Variants in RAB19 observed in about 807,000 individuals in gnomAD.
RAB19 encodes the protein ras-related protein Rab-19.
A neutral mutation model predicts 17.3 loss-of-function variants in RAB19; 21 were observed. The observed-to-expected ratio is 1.21, with a 90% CI of 0.86 to 1.74. RAB19 has a LOEUF of 1.74. RAB19 is among the 40% of genes most tolerant of loss of function. The probability of loss-of-function intolerance (pLI) is 0.00; values close to 1 mark genes in which losing one functional copy is unlikely to be tolerated. For synonymous variants in RAB19, 126 were observed against 110.4 expected (o/e 1.14, Z -0.88); for missense variants, 277 against 286.8 (o/e 0.97, Z 0.25).
intron 3 of RAB19, among the ~76,000 whole-genome samples, chr7:140,421,425 A>G (rs754030859): frequency 2.0e-5 from 3 of 151,812 alleles, no homozygotes; most frequent in Non-Finnish European, 4.4e-5. Context: ...CAGTGGCCCA[A>G]TCTTGCTTCA....
At chr7:140,407,870 C>T (rs759789514) in intron 2 of RAB19, 23 bp downstream of exon 2, 2 of 968,300 alleles carry the variant, frequency 2.1e-6, no homozygotes, top group Non-Finnish European at 1.6e-6. Flanking sequence ...CGGGACGGGA[C>T]TGGTTCCACC....
At chr7:140,409,570 G>T (rs974621570) in intron 2 of RAB19, among the ~76,000 whole-genome samples, 11 of 152,072 alleles carry the variant, frequency 7.2e-5, no homozygotes, top group Non-Finnish European at 1.6e-4. Context: ...GGTGGCACAT[G>T]CCTGTAATCC....
chr7:140,407,252 C>G (rs924584752), intron 1 of RAB19, among the ~76,000 whole-genome samples: 11 of 152,252 alleles, frequency 7.2e-5, no homozygotes, highest in Non-Finnish European at 1.3e-4. Flanking sequence ...GTGGGACCTC[C>G]AATGGCAGGT....
intron 3 of RAB19, among the ~76,000 whole-genome samples, chr7:140,417,306 G>A (rs1489529121): frequency 3.3e-5 from 5 of 151,736 alleles, no homozygotes; most frequent in Non-Finnish European, 5.9e-5. Flanking sequence ...GGAGACTGAG[G>A]TGGGCACATT....
chr7:140,414,161 C>T (rs1799414659), intron 3 of RAB19, among the ~76,000 whole-genome samples: 2 of 152,198 alleles, frequency 1.3e-5, no homozygotes, highest in South Asian at 4.1e-4. Context: ...TCTCCTGCCT[C>T]AGCCTCCCAA....
intron 1 of RAB19, 71 bp from the exon 2 acceptor site, chr7:140,407,553 A>T: frequency 9.1e-7 from 1 of 1,103,554 alleles, no homozygotes; most frequent in South Asian, 1.3e-5. Context: ...TGTGAAGGTA[A>T]TGACCTCCCT....
At chr7:140,412,559 G>C (rs1799386923) in intron 3 of RAB19, among the ~76,000 whole-genome samples, 1 of 151,366 alleles carries the variant, frequency 6.6e-6, no homozygotes, top group Non-Finnish European at 1.5e-5. Flanking sequence ...GTAAAGACGG[G>C]GTTTTGCCAT....
In RAB19 at chr7:140,407,737, A is replaced by G; in HGVS notation, c.91A>G (p.Thr31Ala). 6.2e-7 allele frequency: 1 copy of G among 1,614,074 alleles called. No individual in the cohort carries two copies. The highest frequency in any genetic ancestry group is 1.1e-5 in the South Asian group (1 of 91,082). ...CATTGGGGATTCCAATGTGGGGAAG[A>G]CGTGTGTGGTGCAGCATTTCAAGTC... ...ILIGDSNVGK[T>A]CVVQHFKSGV... is the part of the protein sequence containing the mutation. Residue 31 changes from threonine (T) to alanine (A), a missense_variant, in exon 2 of 4, where the codon ACG becomes GCG. Physicochemically the swap from Thr to Ala is moderately conservative, Grantham distance 58 (BLOSUM62 0). Transcript: ENST00000537763.
At chr7:140,409,347 G>C (rs139182477) in intron 2 of RAB19, among the ~76,000 whole-genome samples, 6,077 of 151,986 alleles carry the variant, frequency 0.04, 118 homozygotes, top group Non-Finnish European at 0.044. Flanking sequence ...CTAGGCGACA[G>C]AGTGAGACTC....
chr7:140,422,530 A>C (rs1799579359), intron 3 of RAB19, among the ~76,000 whole-genome samples: 1 of 152,090 alleles, frequency 6.6e-6, no homozygotes, highest in African/African-American at 2.4e-5. Context: ...AAATATCCTC[A>C]ATATTACAAT....
chr7:140,420,028 A>G (rs966079245), intron 3 of RAB19, among the ~76,000 whole-genome samples: 7 of 152,152 alleles, frequency 4.6e-5, no homozygotes, highest in African/African-American at 1.7e-4. Context: ...TCTGAAAATG[A>G]GTCTGTGTCA....
chr7:140,404,454 TCAGA>T (rs985871870), intron 1 of RAB19: 3 of 152,212 alleles, frequency 2.0e-5, no homozygotes, highest in Non-Finnish European at 2.9e-5. Flanking sequence ...AGTTGAAAAG[TCAGA>T]CAGGAAAAAA....
intron 2 of RAB19, among the ~76,000 whole-genome samples, 197 bp downstream of exon 2, chr7:140,408,044 A>AAT (rs1554440914): frequency 2.1e-5 from 3 of 142,332 alleles, no homozygotes; most frequent in East Asian, 2.1e-4. Flanking sequence ...CGCCCGGCAA[A>AAT]TTTTTTTTTT....
chr7:140,421,273 C>T (rs1435849525), intron 3 of RAB19, among the ~76,000 whole-genome samples: 1 of 152,180 alleles, frequency 6.6e-6, no homozygotes, highest in Non-Finnish European at 1.5e-5. Context: ...CTTACAGCAG[C>T]TTCGAACTCC....
chr7:140,409,272 A>C (rs1387370244), intron 2 of RAB19, among the ~76,000 whole-genome samples: 1 of 151,952 alleles, frequency 6.6e-6, no homozygotes, highest in Non-Finnish European at 1.5e-5. Flanking sequence ...GCTGAGGTAC[A>C]AGAATCTCTC....
chr7:140,419,226 C>T (rs974766305), intron 3 of RAB19, among the ~76,000 whole-genome samples: 2 of 151,906 alleles, frequency 1.3e-5, no homozygotes, highest in Non-Finnish European at 2.9e-5. Flanking sequence ...TGTGCCACCA[C>T]GCCCAGCTAA....
At chr7:140,423,129 G>A (rs1355190895) in intron 3 of RAB19, among the ~76,000 whole-genome samples, 2 of 151,506 alleles carry the variant, frequency 1.3e-5, no homozygotes, top group African/African-American at 4.8e-5. Flanking sequence ...AAATAAATAA[G>A]GTAGATGGTT....
chr7:140,418,577 T>TAA (rs1323234231), intron 3 of RAB19, among the ~76,000 whole-genome samples: 10 of 127,012 alleles, frequency 7.9e-5, no homozygotes, highest in East Asian at 4.6e-4. Flanking sequence ...CTCTGTCTCT[T>TAA]AAAAAAAAAA....
At chr7:140,420,842 T>G (rs1563074222) in intron 3 of RAB19, among the ~76,000 whole-genome samples, 1 of 152,086 alleles carries the variant, frequency 6.6e-6, no homozygotes, top group Non-Finnish European at 1.5e-5. Context: ...TTTCCCTCTC[T>G]CTTCTTAAAA....
Sources: gnomAD v4.1 joint callset for allele counts (sites outside exome capture counted in the v4.1 genomes callset) on GRCh38, gnomAD v4.1.1 for gene constraint, MANE v1.5 for transcripts, NCBI Gene and HGNC (gene_info 2026-07-23, HGNC 2026-07-21) for gene names.